RC3H2: variants seen among roughly 807,000 people sequenced by gnomAD.
RC3H2 encodes the protein roquin-2.
A neutral mutation model predicts 133.3 loss-of-function variants in RC3H2; 31 were observed. The ratio of observed to expected loss-of-function variants is 0.23; its 90% CI spans 0.17 to 0.31. The LOEUF (loss-of-function observed/expected upper bound fraction) is 0.31. Ranked by LOEUF, RC3H2 falls within the 10% of genes least tolerant of loss-of-function variation. The pLI is 1.00. For missense variants in RC3H2, 1,175 were observed against 1,437.2 expected (o/e 0.82, Z 2.95); for synonymous variants, 517 against 502.2 (o/e 1.03, Z -0.40).
intron 2 of RC3H2, among the ~76,000 whole-genome samples, chr9:122,895,953 A>T (rs552640319): frequency 6.6e-6 from 1 of 152,268 alleles, no homozygotes; most frequent in African/African-American, 2.4e-5. Flanking sequence ...TCAATAAAAT[A>T]ATTACAAACA....
At chr9:122,853,448 A>G (rs1830128747) in intron 18 of RC3H2, among the ~76,000 whole-genome samples, 1 of 152,060 alleles carries the variant, frequency 6.6e-6, no homozygotes, top group Non-Finnish European at 1.5e-5. Context: ...CTTTTAAATT[A>G]AAGTAAAAAA....
At chr9:122,900,659 T>C (rs891986550) in intron 1 of RC3H2, among the ~76,000 whole-genome samples, 3 of 152,208 alleles carry the variant, frequency 2.0e-5, no homozygotes, top group Admixed American at 6.5e-5. Flanking sequence ...TATTTGAGTC[T>C]ATGTAAGTCT....
At chr9:122,860,186 T>C in intron 10 of RC3H2, 55 bp from the exon 11 acceptor site, 1 of 1,283,280 alleles carries the variant, frequency 7.8e-7, no homozygotes, top group East Asian at 2.3e-5. Context: ...ATGACTGTCC[T>C]CCTTACTAGA....
At chr9:122,888,356 GT>G (rs1832021008) in intron 4 of RC3H2, among the ~76,000 whole-genome samples, 1 of 152,074 alleles carries the variant, frequency 6.6e-6, no homozygotes, top group African/African-American at 2.4e-5. Context: ...AATATTTAAA[GT>G]TGTTTTATAA....
intron 9 of RC3H2, among the ~76,000 whole-genome samples, chr9:122,873,303 AATAGAGTG>A (rs1831181357): frequency 6.6e-6 from 1 of 152,190 alleles, no homozygotes; most frequent in African/African-American, 2.4e-5. Flanking sequence ...TTTAAACAGC[AATAGAGTG>A]TGAAGCTGGT....
At chr9:122,859,705 G>C (rs1192562784) in intron 11 of RC3H2, among the ~76,000 whole-genome samples, 1 of 152,034 alleles carries the variant, frequency 6.6e-6, no homozygotes, top group South Asian at 2.1e-4. Flanking sequence ...AACCCCTAAA[G>C]TTCATTCCTG....
chr9:122,878,082 A>T (rs1831416452), intron 8 of RC3H2, among the ~76,000 whole-genome samples: 1 of 152,224 alleles, frequency 6.6e-6, no homozygotes, highest in East Asian at 1.9e-4. Flanking sequence ...ATGAGGCAGA[A>T]TATTAAAATT....
intron 13 of RC3H2, among the ~76,000 whole-genome samples, 183 bp downstream of exon 13, chr9:122,857,740 G>A (rs1402613175): frequency 2.0e-5 from 3 of 152,060 alleles, no homozygotes; most frequent in East Asian, 1.9e-4. Context: ...ATGCCTTAAC[G>A]GTCTTCAGAG....
At chr9:122,902,689 T>C (rs984542969) in intron 1 of RC3H2, among the ~76,000 whole-genome samples, 1 of 151,906 alleles carries the variant, frequency 6.6e-6, no homozygotes, top group Admixed American at 6.6e-5. Flanking sequence ...CCATCTCTAC[T>C]AAAAATACAA....
At chr9:122,863,680 A>G (rs1830538911) in intron 10 of RC3H2, among the ~76,000 whole-genome samples, 1 of 152,228 alleles carries the variant, frequency 6.6e-6, no homozygotes, top group South Asian at 2.1e-4. Context: ...ACATTTGTTA[A>G]CTAGACCATG....
rs776947644 is a variant in RC3H2, at chr9:122,879,827, A to G, written c.1140T>C (p.Ala380=). ...CAAGGCCATGAACTACTGTTTTAAC[A>G]GCTACCATTGCATTTTCCAGCTGCT... is the stretch of plus-strand genomic sequence containing the variant. ...TWEQLENAMV[A]VKTVVHGLVD... is the part of the protein sequence containing the mutation. The change falls in exon 8 of 21, where the codon GCT becomes GCC. Residue 380 remains alanine, a synonymous_variant. Transcript: ENST00000357244. 5.0e-6 allele frequency: 8 copies of G among 1,614,210 alleles called. No individual in the cohort carries two copies. In the East Asian group the frequency reaches 1.8e-4, roughly 36 times the overall value.
In RC3H2 at chr9:122,848,022, C is replaced by T. The variant is rs992975103; in HGVS notation, c.*1605G>A. ...AAATTTCAGGGAAATGTCAACCCTCCCGCCCCTGGAAATGTGCACAAAACT... is the reference window on the plus strand; with the variant it reads ...AAATTTCAGGGAAATGTCAACCCTCTCGCCCCTGGAAATGTGCACAAAACT... On this transcript the variant is annotated 3_prime_UTR_variant, in exon 21 of 21. Transcript: ENST00000357244. The T allele has an allele frequency of 6.6e-6, 1 of 152,102 alleles. No individual in the cohort carries two copies. Among genetic ancestry groups the T allele is most frequent in the African/African-American group, 2.4e-5 (1 of 41,426 alleles). 9.4% of individuals were successfully genotyped at this position (152,102 alleles called of 1,614,324 possible). A position where few individuals can be genotyped will look rare whatever the true frequency, so the allele number is the denominator to read the frequency against.
At chr9:122,864,386 T>G (rs182118328) in intron 10 of RC3H2, among the ~76,000 whole-genome samples, 33 of 152,318 alleles carry the variant, frequency 2.2e-4, no homozygotes, top group African/African-American at 7.9e-4. Context: ...GTGATAATAA[T>G]AATAAAGCAA....
intron 18 of RC3H2, 129 bp from the exon 19 acceptor site, chr9:122,851,565 T>C: frequency 8.8e-6 from 11 of 1,255,686 alleles, no homozygotes; most frequent in Non-Finnish European, 1.2e-5. Context: ...TGGACTATAC[T>C]GCTGCCATCT....
At chr9:122,894,483 C>T (rs1245568941) in intron 2 of RC3H2, among the ~76,000 whole-genome samples, 1 of 151,812 alleles carries the variant, frequency 6.6e-6, no homozygotes, top group Non-Finnish European at 1.5e-5. Flanking sequence ...AATTATAGAG[C>T]AAAGATAAGG....
chr9:122,880,839 T>G, intron 5 of RC3H2, 45 bp from the exon 6 acceptor site: 1 of 1,375,262 alleles, frequency 7.3e-7, no homozygotes, highest in Non-Finnish European at 1.0e-6. Flanking sequence ...CTGTGCTTTC[T>G]CCCTTCAACT....
At position 122,853,861 on chromosome 9, in the gene RC3H2, C is replaced by T. The variant is rs751307123; in HGVS notation, c.3117+91G>A. 20 of 1,611,518 alleles carry T rather than the reference C, an allele frequency of 1.2e-5. No homozygotes were observed. The South Asian group carries it at 2.2e-4, about 18-fold the overall frequency. ...ATCAATCATCCATCAGAGATAGGCA[C>T]ACCAAAATGCACTCAGTAATGGTAT... On this transcript the variant is annotated intron_variant, in intron 18 of 20. Coordinates refer to ENST00000357244, the MANE Select transcript of RC3H2 (RefSeq NM_001100588.3).
At chr9:122,877,699 GT>G in intron 8 of RC3H2, 116 bp from the exon 9 acceptor site, 2 of 746,690 alleles carry the variant, frequency 2.7e-6, no homozygotes, top group Non-Finnish European at 4.5e-6. Context: ...CATTAGACAA[GT>G]AATTCTTGTG....
intron 4 of RC3H2, among the ~76,000 whole-genome samples, chr9:122,885,973 C>T (rs372996333): frequency 9.2e-5 from 14 of 152,192 alleles, no homozygotes; most frequent in East Asian, 1.9e-4. Context: ...CTGCAACCTC[C>T]GCCTCCTAGG....
Sources: gnomAD v4.1 joint callset for allele counts (sites outside exome capture counted in the v4.1 genomes callset) on GRCh38, gnomAD v4.1.1 for gene constraint, MANE v1.5 for transcripts, NCBI Gene and HGNC (gene_info 2026-07-23, HGNC 2026-07-21) for gene names.